TTLL8: variants seen among roughly 807,000 people sequenced by gnomAD.
The protein encoded by TTLL8 is tubulin tyrosine ligase like 8, also known as protein monoglycylase TTLL8.
In TTLL8, 65 loss-of-function variants were observed where a neutral mutation model predicts 77.8. The observed-to-expected ratio is 0.84, with a 90% CI of 0.68 to 1.03. The LOEUF is 1.03. TTLL8 is among the 50% of genes least tolerant of loss of function. The pLI is 0.00. For synonymous variants in TTLL8, 402 were observed against 422.8 expected, an observed-to-expected ratio of 0.95 and a Z score of 0.60; for missense variants, 910 against 1,004.5, an observed-to-expected ratio of 0.91 and a Z score of 1.27.
intron 8 of TTLL8, among the ~76,000 whole-genome samples, chr22:50,037,367 C>A (rs1393823888): frequency 1.3e-5 from 2 of 152,096 alleles, no homozygotes; most frequent in Non-Finnish European, 2.9e-5. Context: ...ACCACCGCGC[C>A]CAGCTAATTT....
exon 12 of TTLL8, chr22:50,030,678 G>A: frequency 2.3e-6 from 3 of 1,281,206 alleles, no homozygotes; most frequent in Admixed American, 2.5e-5. Flanking sequence ...CCTTAAGGGT[G>A]CCAGCAAGGC....
At chr22:50,057,607 G>GGT (rs2061488356), upstream of TTLL8, among the ~76,000 whole-genome samples, 1 of 87,742 alleles carries the variant, frequency 1.1e-5, no homozygotes, top group Admixed American at 1.2e-4. Context: ...TTTGGGTTGA[G>GGT]CGGGAGGTCT....
At chr22:50,048,336 G>A (rs2061425123) in intron 3 of TTLL8, among the ~76,000 whole-genome samples, 1 of 152,140 alleles carries the variant, frequency 6.6e-6, no homozygotes, top group Non-Finnish European at 1.5e-5. Flanking sequence ...CCAGGGCGAT[G>A]GCATAGGAGG....
intron 5 of TTLL8, 158 bp downstream of exon 7, chr22:50,045,698 C>T (rs533881813): frequency 1.1e-6 from 1 of 951,918 alleles, no homozygotes; most frequent in East Asian, 1.2e-4. Context: ...CTCCCGGGGC[C>T]CCTGGCCTCT....
rs1460490076 is a variant in TTLL8, at chr22:50,044,554, C to G, written c.643+701G>C. 1.3e-5 allele frequency among the ~76,000 whole-genome samples: 2 copies of G among 152,188 alleles called. No homozygotes were observed. Among genetic ancestry groups the G allele is most frequent in the Non-Finnish European group, 2.9e-5 (2 of 68,044 alleles). ...CACGTTTACCTAGAAGGGCTTTTCCCCTCGGTGGAGCCCTGCAGCCTCCTG... is the reference window on the plus strand; with the variant it reads ...CACGTTTACCTAGAAGGGCTTTTCCGCTCGGTGGAGCCCTGCAGCCTCCTG... On this transcript the variant is annotated intron_variant, in intron 6 of 13. Coordinates refer to ENST00000266182, the Ensembl canonical transcript of TTLL8. This position sits in a 1 kb window ranked among gnomAD's most constrained non-coding sequence, Gnocchi z 4.2.
upstream of TTLL8, among the ~76,000 whole-genome samples, chr22:50,057,978 G>T (rs927843464): frequency 6.6e-6 from 1 of 151,796 alleles, no homozygotes; most frequent in Non-Finnish European, 1.5e-5. Flanking sequence ...GCGGGTCTGG[G>T]ATTCCTAGGG....
intron 8 of TTLL8, among the ~76,000 whole-genome samples, chr22:50,036,499 G>A (rs935982610): frequency 6.6e-6 from 1 of 152,156 alleles, no homozygotes; most frequent in East Asian, 1.9e-4. Flanking sequence ...ACCAGTTACG[G>A]TGCTGACTAT....
intron 12 of TTLL8, among the ~76,000 whole-genome samples, chr22:50,026,686 G>T (rs1008966191): frequency 2.0e-5 from 3 of 152,226 alleles, no homozygotes; most frequent in Non-Finnish European, 4.4e-5. Flanking sequence ...GGCTGTGTGG[G>T]TATCACACAT....
Position 50,034,575 on chromosome 22 carries a change from G to C in TTLL8, c.922-113C>G. 1 of 1,155,286 alleles carries C rather than the reference G, an allele frequency of 8.7e-7. No homozygotes were observed. The highest frequency in any genetic ancestry group is 1.1e-6 in the Non-Finnish European group (1 of 877,038). 71.6% of individuals were successfully genotyped at this position (1,155,286 alleles called of 1,614,324 possible). A position where few individuals can be genotyped will look rare whatever the true frequency, so the allele number is the denominator to read the frequency against. ...GCCCCGCCTCACCCACCAAGCAGGCGCTCGGCTCTAGGATGGTCTGGGGCT... is the reference window on the plus strand; with the variant it reads ...GCCCCGCCTCACCCACCAAGCAGGCCCTCGGCTCTAGGATGGTCTGGGGCT... On this transcript the variant is annotated intron_variant, in intron 8 of 13. Coordinates refer to ENST00000266182, the Ensembl canonical transcript of TTLL8. This position sits in a 1 kb window ranked among gnomAD's most constrained non-coding sequence, Gnocchi z 4.1.
At chr22:50,055,141 C>T (rs539658257), upstream of TTLL8, 51 of 1,230,424 alleles carry the variant, frequency 4.1e-5, no homozygotes, top group Non-Finnish European at 4.1e-5. Flanking sequence ...GGGCACAGTG[C>T]GTCAGAGGCC....
In TTLL8 at chr22:50,045,832, G is replaced by A. The variant is rs200355490; in HGVS notation, c.508+24C>T. Reference sequence around the variant, plus strand: ...AAGCCTCTCTGCTGACAGCACTGGGGCCCTCTGCCGTCTCCTCACTTACCC... The same window carrying A: ...AAGCCTCTCTGCTGACAGCACTGGGACCCTCTGCCGTCTCCTCACTTACCC... On this transcript the variant is annotated intron_variant, in intron 5 of 13. Transcript: ENST00000266182. 1,370 of 1,317,614 alleles carry A rather than the reference G, an allele frequency of 1.0e-3. 20 individuals carry two copies. In the South Asian group the frequency reaches 0.016, roughly 15 times the overall value. 81.6% of individuals were successfully genotyped at this position (1,317,614 alleles called of 1,614,324 possible).
At chr22:50,035,958 G>A (rs1280767941) in intron 8 of TTLL8, among the ~76,000 whole-genome samples, 1 of 152,244 alleles carries the variant, frequency 6.6e-6, no homozygotes, top group Non-Finnish European at 1.5e-5. Context: ...TTTGGGGGGA[G>A]AAGGCTGTGA....
chr22:50,022,532 A>G (rs1422881691), intron 12 of TTLL8, among the ~76,000 whole-genome samples: 1 of 144,618 alleles, frequency 6.9e-6, no homozygotes, highest in East Asian at 2.1e-4. Flanking sequence ...TCCATCTGAC[A>G]TGCATTCCTC....
chr22:50,030,388 C>A lies in TTLL8; in HGVS notation c.2203+42G>T, dbSNP rs769520677. 23 of 1,264,542 alleles carry A rather than the reference C, an allele frequency of 1.8e-5. No individual in the cohort carries two copies. The South Asian group carries it at 2.6e-4, about 14-fold the overall frequency. 78.3% of individuals were successfully genotyped at this position (1,264,542 alleles called of 1,614,324 possible). Reference sequence around the variant, plus strand: ...TGGCGAGGGTTGGGGATGCAGCAGGCGGCCCCCAAGCCCACAGCGCACCGC... The same window carrying A: ...TGGCGAGGGTTGGGGATGCAGCAGGAGGCCCCCAAGCCCACAGCGCACCGC... On this transcript the variant is annotated intron_variant, in intron 12 of 13. Coordinates refer to ENST00000266182, the Ensembl canonical transcript of TTLL8.
exon 12 of TTLL8, chr22:50,030,508 T>G: frequency 7.5e-7 from 1 of 1,340,256 alleles, no homozygotes; most frequent in Non-Finnish European, 9.9e-7. Flanking sequence ...GGGTGCGCAT[T>G]TAGCTGGTTT....
At position 50,046,594 on chromosome 22, in the gene TTLL8, C is replaced by T. The variant is rs549809672; in HGVS notation, c.393+574G>A. On this transcript the variant is annotated intron_variant, in intron 4 of 13. Transcript: ENST00000266182. ...TGGCCTGACCCTGGGGTATTAGGTG[C>T]GGAAGGGAACCTTGTCCTGCACCTC... Among the ~76,000 whole-genome samples the T allele has an allele frequency of 2.0e-4, 30 of 152,338 alleles. No homozygotes were observed. In the East Asian group the frequency reaches 5.6e-3, roughly 28 times the overall value.
chr22:50,057,622 T>TGGGGTCAGGTCTGGGTTG (rs1555961093), upstream of TTLL8, among the ~76,000 whole-genome samples: 296 of 32,324 alleles, frequency 9.2e-3, 28 homozygotes, highest in South Asian at 0.02. Context: ...AGGTCTGGGT[T>TGGGGTCAGGTCTGGGTTG]GGGGGTCAGG....
intron 5 of TTLL8, 165 bp downstream of exon 7, chr22:50,045,691 C>A: frequency 1.1e-6 from 1 of 932,078 alleles, no homozygotes; most frequent in Non-Finnish European, 1.3e-6. Flanking sequence ...GCCCTCCCTC[C>A]CGGGGCCCCT....
At chr22:50,036,139 G>C (rs765022096) in intron 8 of TTLL8, among the ~76,000 whole-genome samples, 15 of 152,230 alleles carry the variant, frequency 9.9e-5, no homozygotes, top group African/African-American at 1.4e-4. Flanking sequence ...CTGACCCCAG[G>C]GCACACCTGC....
Sources: gnomAD v4.1 joint callset for allele counts (sites outside exome capture counted in the v4.1 genomes callset) on GRCh38, gnomAD v4.1.1 for gene constraint, Gnocchi (gnomAD v3.1) non-coding constraint, MANE v1.5 for transcripts, NCBI Gene and HGNC (gene_info 2026-07-23, HGNC 2026-07-21) for gene names.